The following PEAK1 variants were observed in gnomAD, a reference collection of about 807,000 sequenced individuals.
PEAK1 encodes the protein inactive tyrosine-protein kinase PEAK1.
In PEAK1, 54 loss-of-function variants were observed where a neutral mutation model predicts 124.7. That is an observed-to-expected ratio of 0.43 (90% confidence interval 0.35 to 0.54). PEAK1 has a LOEUF of 0.54. PEAK1 is among the 20% of genes least tolerant of loss of function. The pLI is 0.01. For missense variants in PEAK1, 2,046 were observed against 2,134.5 expected (o/e 0.96, Z 0.82); for synonymous variants, 719 against 760.0 (o/e 0.95, Z 0.89).
chr15:77,295,649 C>T (rs1173372630), intron 2 of PEAK1, among the ~76,000 whole-genome samples: 1 of 152,220 alleles, frequency 6.6e-6, no homozygotes, highest in African/African-American at 2.4e-5. Context: ...AATTCCAACA[C>T]AGTATTACAT....
chr15:77,229,271 T>TA (rs1423585947), intron 6 of PEAK1, among the ~76,000 whole-genome samples: 1 of 152,206 alleles, frequency 6.6e-6, no homozygotes, highest in Non-Finnish European at 1.5e-5. Flanking sequence ...ACAATGTGGC[T>TA]AGTAATAACC....
intron 6 of PEAK1, among the ~76,000 whole-genome samples, chr15:77,206,545 A>G (rs1480071178): frequency 1.3e-5 from 2 of 151,514 alleles, no homozygotes; most frequent in Non-Finnish European, 2.9e-5. Context: ...GGTATCTCAT[A>G]GTGGTTTTGA....
chr15:77,148,181 G>A (rs1270880498), intron 8 of PEAK1, among the ~76,000 whole-genome samples: 1 of 152,192 alleles, frequency 6.6e-6, no homozygotes, highest in Non-Finnish European at 1.5e-5. Flanking sequence ...TGTGGGAATG[G>A]TTCAATCACA....
intron 2 of PEAK1, among the ~76,000 whole-genome samples, chr15:77,309,964 G>A (rs1033348531): frequency 5.9e-5 from 9 of 152,144 alleles, no homozygotes; most frequent in African/African-American, 2.2e-4. Flanking sequence ...GGGAGAACAT[G>A]GTAGCTGTCT....
intron 2 of PEAK1, among the ~76,000 whole-genome samples, chr15:77,307,966 T>C (rs2064198752): frequency 6.6e-6 from 1 of 152,122 alleles, no homozygotes; most frequent in Admixed American, 6.5e-5. Context: ...ATGGGAATTC[T>C]GAGGATACTT....
rs533808690 is a variant in PEAK1 at position 77,119,427 on chromosome 15, T to C, written c.4078-4108A>G. ...GGAAAAATATTAATTCATTATCAAT[T>C]GATCATTCAAACAAGTATCTCATGG... is the stretch of plus-strand genomic sequence containing the variant. On this transcript the variant is annotated intron_variant, in intron 9 of 9. Transcript: ENST00000682557. Among the ~76,000 whole-genome samples the C allele has an allele frequency of 3.3e-5, 5 of 152,350 alleles. No homozygotes were observed. The East Asian group carries it at 9.6e-4, about 29-fold the overall frequency.
At chr15:77,306,251 TTTAAAGGACTAA>T (rs1237858017) in intron 2 of PEAK1, among the ~76,000 whole-genome samples, 225 of 148,442 alleles carry the variant, frequency 1.5e-3, no homozygotes, top group African/African-American at 5.6e-3. Context: ...TCAGGAAGAG[TTTAAAGGACTAA>T]GAGTTTAAAG....
At chr15:77,316,331 T>C (rs900474333) in intron 2 of PEAK1, among the ~76,000 whole-genome samples, 1 of 152,220 alleles carries the variant, frequency 6.6e-6, no homozygotes, top group African/African-American at 2.4e-5. Context: ...GATTGCCATT[T>C]TGACATACAG....
At chr15:77,232,388 G>T (rs527476486) in intron 6 of PEAK1, among the ~76,000 whole-genome samples, 1 of 151,986 alleles carries the variant, frequency 6.6e-6, no homozygotes, top group Non-Finnish European at 1.5e-5. Flanking sequence ...CTCAAATGGG[G>T]ATTTAACACT....
intron 2 of PEAK1, among the ~76,000 whole-genome samples, chr15:77,340,070 G>T (rs1378250643): frequency 6.6e-6 from 1 of 152,178 alleles, no homozygotes; most frequent in Admixed American, 6.5e-5. Context: ...AACTTCAGAA[G>T]ATAGTTTGGC....
At chr15:77,336,335 T>TA (rs1204589120) in intron 2 of PEAK1, 7 of 985,322 alleles carry the variant, frequency 7.1e-6, no homozygotes, top group Non-Finnish European at 8.4e-6. Flanking sequence ...CTCACCCTCA[T>TA]ATTCTCTCAC....
At chr15:77,124,341 A>G (rs1327476072) in intron 9 of PEAK1, among the ~76,000 whole-genome samples, 2 of 152,150 alleles carry the variant, frequency 1.3e-5, no homozygotes, top group African/African-American at 2.4e-5. Flanking sequence ...TCTAGGCTTG[A>G]GCTCTCTTCT....
At position 77,253,249 on chromosome 15, in the gene PEAK1, G is replaced by C. The variant is rs112577031; in HGVS notation, c.-274-723C>G. Among the ~76,000 whole-genome samples, 7 of 148,450 alleles carry C rather than the reference G, an allele frequency of 4.7e-5. No homozygotes were observed. The South Asian group carries it at 8.5e-4, about 18-fold the overall frequency. On this transcript the variant is annotated intron_variant, in intron 5 of 9. Coordinates refer to ENST00000682557, the MANE Select transcript of PEAK1 (RefSeq NM_001385026.1). ...TCTGTGAATTTTGGTATGCGTTGGG[G>C]GGGGGGTGGTCCTGGAGCCAATCTC... is the stretch of plus-strand genomic sequence containing the variant.
At position 77,176,277 on chromosome 15, in the gene PEAK1, GAAAAA is replaced by G. The variant is rs71211213; in HGVS notation, c.3137+2508_3137+2512del. On this transcript the variant is annotated intron_variant, in intron 7 of 9. Coordinates refer to ENST00000682557, the MANE Select transcript of PEAK1 (RefSeq NM_001385026.1). The stretch of plus-strand genomic sequence containing the variant: ...TAATAAGAAGAAAAAAAAAAGAAAA[GAAAAA>G]AAAAAAGAAAAATGCTAACAAATAA... 5.8e-5 allele frequency among the ~76,000 whole-genome samples: 6 copies of G among 103,326 alleles called. 1 individual carries two copies. The highest frequency in any genetic ancestry group is 7.1e-5 in the African/African-American group (2 of 28,074). The allele number at this position is 103,326 out of a possible 152,430, so 67.8% of individuals were successfully genotyped here. A position where few individuals can be genotyped will look rare whatever the true frequency, so the allele number is the denominator to read the frequency against.
intron 7 of PEAK1, among the ~76,000 whole-genome samples, chr15:77,160,880 T>C (rs2152790165): frequency 6.6e-6 from 1 of 152,184 alleles, no homozygotes; most frequent in East Asian, 1.9e-4. Flanking sequence ...AAAGGGTTGG[T>C]GAAGGGTTCA....
rs1381774021 is a variant in PEAK1, at chr15:77,158,554, T to C, written c.3280A>G (p.Ile1094Val). The change falls in exon 8 of 10, where the codon ATT becomes GTT. Residue 1094 changes from isoleucine (I) to valine (V), a missense_variant. Coordinates refer to ENST00000682557, the MANE Select transcript of PEAK1 (RefSeq NM_001385026.1). ...GGGTTCGGGTCCATAGGATCTGAAA[T>C]GTCTTCTTTTCCATCTTCCCTTTCC... ...ELEREDGKED[I>V]SDPMDPNPCS... 2.5e-6 allele frequency: 4 copies of C among 1,614,064 alleles called. No homozygotes were observed. Among genetic ancestry groups the C allele is most frequent in the East Asian group, 2.2e-5 (1 of 44,898 alleles).
At chr15:77,281,844 C>T (rs2062691864) in intron 5 of PEAK1, among the ~76,000 whole-genome samples, 1 of 152,162 alleles carries the variant, frequency 6.6e-6, no homozygotes, top group Non-Finnish European at 1.5e-5. Context: ...AACTGGGCAA[C>T]TCAAAGTGGA....
chr15:77,280,323 AGAGT>A (rs1269038563), intron 5 of PEAK1, among the ~76,000 whole-genome samples: 1 of 152,172 alleles, frequency 6.6e-6, no homozygotes, highest in Non-Finnish European at 1.5e-5. Flanking sequence ...CCTGGGCAAC[AGAGT>A]GAGTGAGACT....
intron 8 of PEAK1, among the ~76,000 whole-genome samples, chr15:77,139,059 AT>A (rs2053566930): frequency 6.6e-6 from 1 of 152,146 alleles, no homozygotes; most frequent in Non-Finnish European, 1.5e-5. Flanking sequence ...TCAAGTTAAG[AT>A]GAGGTCATTA....
Sources: allele counts gnomAD v4.1 joint callset (sites outside exome capture counted in the v4.1 genomes callset), GRCh38; gene constraint gnomAD v4.1.1; transcripts MANE v1.5; gene names NCBI Gene and HGNC (gene_info 2026-07-23, HGNC 2026-07-21).